YES1: variants seen among roughly 807,000 people sequenced by gnomAD.
The protein encoded by YES1 is YES proto-oncogene 1, Src family tyrosine kinase, also known as tyrosine-protein kinase Yes.
A neutral mutation model predicts 70.4 loss-of-function variants in YES1; 39 were observed. The observed-to-expected ratio is 0.55, with a 90% CI of 0.43 to 0.72. YES1 has a LOEUF of 0.72. Ranked by LOEUF, YES1 falls within the 30% of genes least tolerant of loss-of-function variation. The pLI is 0.00. For synonymous variants in YES1, 198 were observed against 218.6 expected, an observed-to-expected ratio of 0.91 and a Z score of 0.83; for missense variants, 495 against 644.8, an observed-to-expected ratio of 0.77 and a Z score of 2.52.
intron 1 of YES1, among the ~76,000 whole-genome samples, chr18:771,589 C>A (rs1455243674): frequency 3.3e-5 from 5 of 152,154 alleles, no homozygotes; most frequent in African/African-American, 1.2e-4. Flanking sequence ...CACTTTGTCA[C>A]ACAGGCTGGA....
At chr18:744,681 C>T (rs2080257075) in intron 6 of YES1, among the ~76,000 whole-genome samples, 1 of 143,204 alleles carries the variant, frequency 7.0e-6, no homozygotes, top group Non-Finnish European at 1.5e-5. Context: ...TGAGCCACCA[C>T]GCCTGGCCTT....
intron 11 of YES1, among the ~76,000 whole-genome samples, chr18:731,708 C>A (rs7242861): frequency 0.096 from 14,612 of 152,192 alleles, 885 homozygotes; most frequent in Admixed American, 0.21. Flanking sequence ...TGGCTCACGC[C>A]TGTAATCCCA....
intron 1 of YES1, among the ~76,000 whole-genome samples, chr18:760,669 G>A (rs1440240046): frequency 2.6e-5 from 4 of 152,082 alleles, no homozygotes; most frequent in Non-Finnish European, 5.9e-5. Flanking sequence ...TGAAAATATT[G>A]TAAAGGAATT....
At chr18:747,828 A>C (rs2080298108) in intron 4 of YES1, 92 bp downstream of exon 4, 1 of 1,161,218 alleles carries the variant, frequency 8.6e-7, no homozygotes, top group African/African-American at 1.5e-5. Context: ...CTGGTATATA[A>C]TTCTGTGTGT....
Position 807,383 on chromosome 18 carries a change from G to A in YES1, c.-9+4731C>T, listed in dbSNP as rs142905452. On this transcript the variant is annotated intron_variant, in intron 1 of 11. Coordinates refer to ENST00000314574, the MANE Select transcript of YES1 (RefSeq NM_005433.4). Reference sequence around the variant, plus strand: ...GCATGGTGGTGCACACCTGTGGTCCGAGCTACTCAGGAGGCTAAAGTGGGA... The same window carrying A: ...GCATGGTGGTGCACACCTGTGGTCCAAGCTACTCAGGAGGCTAAAGTGGGA... Among the ~76,000 whole-genome samples the A allele has an allele frequency of 2.9e-3, 441 of 151,546 alleles. 3 individuals carry two copies. Among genetic ancestry groups the A allele is most frequent in the Non-Finnish European group, 5.0e-3 (340 of 67,916 alleles).
Position 808,920 on chromosome 18 carries a change from T to C in YES1, c.-9+3194A>G, listed in dbSNP as rs140443779. 8.5e-4 allele frequency among the ~76,000 whole-genome samples: 129 copies of C among 152,340 alleles called. 1 individual carries two copies. Among genetic ancestry groups the C allele is most frequent in the Admixed American group, 1.4e-3 (22 of 15,306 alleles). ...AACAAAAACTTATTTTATGCTGAGA[T>C]TTCATGGCATTCTTAAGAATAGAAA... On this transcript the variant is annotated intron_variant, in intron 1 of 11. Transcript: ENST00000314574.
intron 4 of YES1, among the ~76,000 whole-genome samples, chr18:746,375 A>T (rs774137318): frequency 3.3e-5 from 5 of 152,246 alleles, no homozygotes; most frequent in Non-Finnish European, 7.3e-5. Flanking sequence ...GGAAATATTA[A>T]GACTATGACA....
At chr18:805,874 G>C (rs1327961831) in intron 1 of YES1, among the ~76,000 whole-genome samples, 1 of 152,100 alleles carries the variant, frequency 6.6e-6, no homozygotes, top group African/African-American at 2.4e-5. Context: ...AAACTGAAAA[G>C]TTACATTAAA....
chr18:723,882 C>T lies in YES1; in HGVS notation c.*542G>A, dbSNP rs1366473102. 6.5e-6 allele frequency: 1 copy of T among 153,708 alleles called. No homozygotes were observed. The highest frequency in any genetic ancestry group is 1.5e-5 in the Non-Finnish European group (1 of 68,830). The allele number at this position is 153,708 out of a possible 1,614,324, so 9.5% of individuals were successfully genotyped here. On this transcript the variant is annotated 3_prime_UTR_variant, in exon 12 of 12. Transcript: ENST00000314574. Reference sequence around the variant, plus strand: ...TTATATTCCTTTTGAAAAACCTGGCCCATGTCCATGCAAAAGAAAGCATAT... The same window carrying T: ...TTATATTCCTTTTGAAAAACCTGGCTCATGTCCATGCAAAAGAAAGCATAT...
intron 1 of YES1, among the ~76,000 whole-genome samples, chr18:796,111 T>G (rs1227344282): frequency 6.6e-6 from 1 of 152,024 alleles, no homozygotes; most frequent in Non-Finnish European, 1.5e-5. Context: ...AAAATCACAA[T>G]GAAGTTCACA....
At chr18:747,877 T>C in intron 4 of YES1, 43 bp downstream of exon 4, 1 of 1,585,178 alleles carries the variant, frequency 6.3e-7, no homozygotes. Flanking sequence ...TTAAAACATT[T>C]CAAAAATCAA....
At chr18:765,943 T>G (rs1424967061) in intron 1 of YES1, among the ~76,000 whole-genome samples, 1 of 152,174 alleles carries the variant, frequency 6.6e-6, no homozygotes, top group Non-Finnish European at 1.5e-5. Context: ...AATGAGGTAA[T>G]CTTTGGAATA....
intron 1 of YES1, among the ~76,000 whole-genome samples, chr18:801,793 A>G (rs1906836085): frequency 6.6e-6 from 1 of 152,220 alleles, no homozygotes; most frequent in South Asian, 2.1e-4. Flanking sequence ...GTTTAGTGTA[A>G]TAACTCATCT....
chr18:747,976 C>G lies in YES1; in HGVS notation c.414G>C (p.Lys138Asn), dbSNP rs1187206077. The change falls in exon 4 of 12, where the codon AAG (lysine) becomes AAC (asparagine). Residue 138 changes from lysine (K) to asparagine (N), a missense_variant. Transcript: ENST00000314574. ...WWEARSIATG[K>N]NGYIPSNYVA... is the part of the protein sequence containing the mutation. ...CATAATTGCTCGGGATATAACCATT[C>G]TTTCCTGTAGCGATTGATCTTGCTT... 38 of 1,613,920 alleles carry G rather than the reference C, an allele frequency of 2.4e-5. No homozygotes were observed. Among genetic ancestry groups the G allele is most frequent in the Non-Finnish European group, 3.2e-5 (38 of 1,179,970 alleles).
chr18:794,355 T>A (rs1247913912), intron 1 of YES1, among the ~76,000 whole-genome samples: 1 of 152,100 alleles, frequency 6.6e-6, no homozygotes, highest in African/African-American at 2.4e-5. Context: ...TTTAAAAATA[T>A]CAATGTCATG....
intron 9 of YES1, 115 bp from the exon 10 acceptor site, chr18:737,076 G>T: frequency 2.3e-6 from 2 of 884,894 alleles, no homozygotes; most frequent in Non-Finnish European, 3.4e-6. Flanking sequence ...TTTAGAAGGA[G>T]ATGATGGTAA....
intron 1 of YES1, among the ~76,000 whole-genome samples, chr18:768,388 T>C (rs1905004103): frequency 1.3e-5 from 2 of 152,366 alleles, no homozygotes; most frequent in South Asian, 4.1e-4. Context: ...TTAAGAATAC[T>C]GACTTCCGCT....
intron 1 of YES1, among the ~76,000 whole-genome samples, chr18:799,943 T>C (rs1171993765): frequency 6.6e-6 from 1 of 151,896 alleles, no homozygotes; most frequent in Non-Finnish European, 1.5e-5. Flanking sequence ...GCTGGACATA[T>C]ATTTATGGAA....
rs554258796 is a variant in YES1, at chr18:742,172, T to C, written c.1060+746A>G. The stretch of plus-strand genomic sequence containing the variant: ...CATAAAAATCAGGCCTGTCAGCTTA[T>C]CTGCTGACTTACTAGTTCCTCTAAG... On this transcript the variant is annotated intron_variant, in intron 8 of 11. Coordinates refer to ENST00000314574, the MANE Select transcript of YES1 (RefSeq NM_005433.4). Among the ~76,000 whole-genome samples, 3 of 152,288 alleles carry C rather than the reference T, an allele frequency of 2.0e-5. No individual in the cohort carries two copies. In the South Asian group the frequency reaches 6.2e-4, roughly 32 times the overall value.
Sources: gnomAD v4.1 joint callset for allele counts (sites outside exome capture counted in the v4.1 genomes callset) on GRCh38, gnomAD v4.1.1 for gene constraint, MANE v1.5 for transcripts, NCBI Gene and HGNC (gene_info 2026-07-23, HGNC 2026-07-21) for gene names.